Variants in SLAIN1 observed in about 807,000 individuals in gnomAD.
The protein encoded by SLAIN1 is SLAIN motif-containing protein 1.
A neutral mutation model predicts 55.4 loss-of-function variants in SLAIN1; 17 were observed. The observed-to-expected ratio is 0.31, with a 90% confidence interval of 0.21 to 0.46. The LOEUF (loss-of-function observed/expected upper bound fraction) is 0.46, where lower values mean the gene tolerates loss of function less well. Among genes scored for constraint, SLAIN1 ranks in the 20% least tolerant of loss-of-function variants. The pLI is 1.00. For missense variants in SLAIN1, 682 were observed against 785.1 expected (o/e 0.87, Z 1.57); for synonymous variants, 348 against 337.4 (o/e 1.03, Z -0.35).
intron 1 of SLAIN1, among the ~76,000 whole-genome samples, chr13:77,708,748 C>T (rs1281335710): frequency 6.6e-6 from 1 of 152,020 alleles, no homozygotes; most frequent in Non-Finnish European, 1.5e-5. Flanking sequence ...CACAGAAACC[C>T]CATCCAAAGG....
chr13:77,751,189 G>A lies in SLAIN1; in HGVS notation c.1259-2014G>A, dbSNP rs60131569. Among the ~76,000 whole-genome samples the A allele has an allele frequency of 7.5e-3, 1,133 of 151,948 alleles. 14 individuals carry two copies. Among genetic ancestry groups the A allele is most frequent in the African/African-American group, 0.026 (1,079 of 41,436 alleles). On this transcript the variant is annotated intron_variant, in intron 4 of 6. Transcript: ENST00000418532. ...TGATATGTGCACTTTAGTGTTTTGC[G>A]GTATATATCAATAAAGATAAAAATA...
intron 5 of SLAIN1, among the ~76,000 whole-genome samples, chr13:77,756,353 C>G (rs1874607180): frequency 1.3e-5 from 2 of 152,014 alleles, no homozygotes; most frequent in Middle Eastern, 3.4e-3. Context: ...ATGTAATAGT[C>G]CTCCATTGAC....
At position 77,698,797 on chromosome 13, in the gene SLAIN1, G is replaced by A. The variant is rs1036050789; in HGVS notation, c.626+258G>A. 1.1e-5 allele frequency: 15 copies of A among 1,346,102 alleles called. No homozygotes were observed. In the African/African-American group the frequency reaches 1.8e-4, roughly 16 times the overall value. 83.4% of individuals were successfully genotyped at this position (1,346,102 alleles called of 1,614,324 possible). On this transcript the variant is annotated intron_variant, in intron 1 of 6. Transcript: ENST00000418532. The surrounding 1 kb of genome is among the most constrained non-coding windows in gnomAD (Gnocchi z 4.1). ...GCCCCCCCTTCCCCCCATCTGCCAT[G>A]GGTTCTGCTATTTGCTGATTGTTGG...
In SLAIN1 at chr13:77,743,853, T is replaced by C. The variant is rs557599106; in HGVS notation, c.767-430T>C. On this transcript the variant is annotated intron_variant, in intron 2 of 6. Coordinates refer to ENST00000418532, the MANE Select transcript of SLAIN1 (RefSeq NM_001242868.2). ...AGAAATGGACCAGATTAAAATTTAA[T>C]TTAAAAATATATTATCAGTTACTGT... Among the ~76,000 whole-genome samples the C allele has an allele frequency of 2.6e-5, 4 of 152,176 alleles. No individual in the cohort carries two copies. In the East Asian group the frequency reaches 7.7e-4, roughly 29 times the overall value.
chr13:77,713,125 A>G (rs546609666), intron 1 of SLAIN1, among the ~76,000 whole-genome samples: 218 of 152,360 alleles, frequency 1.4e-3, no homozygotes, highest in Non-Finnish European at 2.2e-3. Flanking sequence ...AAACCTGGGC[A>G]ATACCATTCA....
intron 1 of SLAIN1, among the ~76,000 whole-genome samples, chr13:77,708,055 C>T (rs145589437): frequency 6.6e-6 from 1 of 152,236 alleles, no homozygotes; most frequent in African/African-American, 2.4e-5. Flanking sequence ...GATATAGTAC[C>T]AGACAATAGG....
chr13:77,701,364 A>T (rs1400684886), intron 1 of SLAIN1, among the ~76,000 whole-genome samples: 1 of 152,182 alleles, frequency 6.6e-6, no homozygotes, highest in Non-Finnish European at 1.5e-5. Context: ...CCTTTTATTA[A>T]CAACTTGGAC....
chr13:77,711,319 G>A (rs1262576882), intron 1 of SLAIN1, among the ~76,000 whole-genome samples: 1 of 152,088 alleles, frequency 6.6e-6, no homozygotes, highest in African/African-American at 2.4e-5. Context: ...AAAATAGATA[G>A]ACCGCTAGCC....
rs1146918 is a variant in SLAIN1, at chr13:77,737,800, G to T, written c.767-6483G>T. Among the ~76,000 whole-genome samples the T allele has an allele frequency of 7.2e-3, 1,092 of 151,032 alleles. 14 individuals are homozygous for T. Among genetic ancestry groups the T allele is most frequent in the African/African-American group, 0.025 (1,020 of 40,814 alleles). Reference sequence around the variant, plus strand: ...GGTGCTTTTACTGCACTTACAATATGACATCATATTCCACCTTACTTGCCT... The same window carrying T: ...GGTGCTTTTACTGCACTTACAATATTACATCATATTCCACCTTACTTGCCT... On this transcript the variant is annotated intron_variant, in intron 2 of 6. Coordinates refer to ENST00000418532, the MANE Select transcript of SLAIN1 (RefSeq NM_001242868.2).
Position 77,761,055 on chromosome 13 carries a change from T to C in SLAIN1, c.1642T>C (p.Leu548=), listed in dbSNP as rs571527566. Residue 548 remains leucine (L), a synonymous_variant, in exon 6 of 7, where the codon TTG becomes CTG. Transcript: ENST00000418532. The part of the protein sequence containing the change: ...MGRSALPRPS[L]AINGSNLPRS... Reference sequence around the variant, plus strand: ...TCGCAGTGCACTCCCAAGACCTTCGTTGGCAATAAATGGGAGTAACCTGCC... The same window carrying C: ...TCGCAGTGCACTCCCAAGACCTTCGCTGGCAATAAATGGGAGTAACCTGCC... 14 of 1,614,196 alleles carry C rather than the reference T, an allele frequency of 8.7e-6. No homozygotes were observed. In the African/African-American group the frequency reaches 1.1e-4, roughly 12 times the overall value.
chr13:77,736,475 T>G (rs896684295), intron 2 of SLAIN1, among the ~76,000 whole-genome samples: 6 of 152,132 alleles, frequency 3.9e-5, no homozygotes, highest in Admixed American at 3.3e-4. Context: ...CCAAGTCTCC[T>G]TGATCCTAAA....
chr13:77,731,611 C>T (rs1872862719), intron 2 of SLAIN1, among the ~76,000 whole-genome samples: 1 of 152,112 alleles, frequency 6.6e-6, no homozygotes, highest in Non-Finnish European at 1.5e-5. Flanking sequence ...TGATGTTCTT[C>T]ACCTGGTAGT....
At chr13:77,752,707 C>A (rs1424044569) in intron 4 of SLAIN1, among the ~76,000 whole-genome samples, 3 of 152,142 alleles carry the variant, frequency 2.0e-5, no homozygotes, top group Non-Finnish European at 2.9e-5. Flanking sequence ...TCCTGGCAAA[C>A]CACTGATGTA....
At chr13:77,759,674 C>T (rs1398534076) in intron 5 of SLAIN1, among the ~76,000 whole-genome samples, 5 of 152,030 alleles carry the variant, frequency 3.3e-5, no homozygotes, top group Non-Finnish European at 5.9e-5. Context: ...TTATCAAATG[C>T]TTTTTTGTAT....
intron 1 of SLAIN1, among the ~76,000 whole-genome samples, chr13:77,709,457 T>C (rs2091124385): frequency 6.6e-6 from 1 of 151,944 alleles, no homozygotes; most frequent in Non-Finnish European, 1.5e-5. Context: ...GACACAAAAT[T>C]GTCAGATTCA....
rs1370011225 is a variant in SLAIN1, at chr13:77,698,340, C to T, written c.427C>T (p.Pro143Ser). Residue 143 changes from proline to serine, a missense_variant, in exon 1 of 7, where the codon CCC becomes TCC. By Grantham distance (74) the Pro-to-Ser change is moderately conservative. This residue lies in a region of SLAIN1 where 401 missense variants were observed against 417.3 expected (regional missense o/e 0.96). Transcript: ENST00000418532. This position sits in a 1 kb window ranked among gnomAD's most constrained non-coding sequence, Gnocchi z 4.1. ...PSLLCSLAQP[P>S]EAPFVYFKPA... ...CCTGCTTTGCAGCCTGGCGCAGCCA[C>T]CCGAGGCGCCCTTCGTCTACTTCAA... 1.4e-6 allele frequency: 2 copies of T among 1,447,812 alleles called. No homozygotes were observed. The highest frequency in any genetic ancestry group is 1.3e-5 in the South Asian group (1 of 75,716). 89.7% of individuals were successfully genotyped at this position (1,447,812 alleles called of 1,614,324 possible).
At chr13:77,733,387 A>C (rs1872965907) in intron 2 of SLAIN1, among the ~76,000 whole-genome samples, 1 of 152,206 alleles carries the variant, frequency 6.6e-6, no homozygotes, top group Admixed American at 6.5e-5. Context: ...TGTTTTAAAA[A>C]TATTACATTT....
chr13:77,716,399 C>T (rs1260269999), intron 1 of SLAIN1, among the ~76,000 whole-genome samples: 1 of 151,082 alleles, frequency 6.6e-6, no homozygotes, highest in Non-Finnish European at 1.5e-5. Flanking sequence ...TTTAGATCAT[C>T]TACATTTCTA....
In SLAIN1 at chr13:77,708,816, CA is replaced by C. The variant is rs572804690; in HGVS notation, c.626+10282del. Among the ~76,000 whole-genome samples the C allele has an allele frequency of 4.7e-4, 72 of 152,150 alleles. No homozygotes were observed. The East Asian group carries it at 0.012, about 25-fold the overall frequency. On this transcript the variant is annotated intron_variant, in intron 1 of 6. Coordinates refer to ENST00000418532, the MANE Select transcript of SLAIN1 (RefSeq NM_001242868.2). The stretch of plus-strand genomic sequence containing the variant: ...CCACGAAGATGAGGAAAAAACAGTG[CA>C]AAAAGGCTGAAAATTCCAAAAACCA...
Sources: gnomAD v4.1 joint callset for allele counts (sites outside exome capture counted in the v4.1 genomes callset) on GRCh38, gnomAD v4.1.1 for gene constraint, gnomAD v4.1.1 regional missense constraint, Gnocchi (gnomAD v3.1) non-coding constraint, MANE v1.5 for transcripts, NCBI Gene and HGNC (gene_info 2026-07-23, HGNC 2026-07-21) for gene names.